Variants in ITPR2 observed in about 807,000 individuals in gnomAD.
ITPR2 encodes the protein inositol 1,4,5-trisphosphate-gated calcium channel ITPR2.
ITPR2 carries 207 observed loss-of-function variants against 317.1 expected under a neutral mutation model. That is an observed-to-expected ratio of 0.65 (90% CI 0.58 to 0.73). The LOEUF is 0.73. Among genes scored for constraint, ITPR2 ranks in the 30% least tolerant of loss-of-function variants. The probability of loss-of-function intolerance (pLI) is 0.00; values close to 1 mark genes in which losing one functional copy is unlikely to be tolerated. For missense variants in ITPR2, 2,613 were observed against 3,284.0 expected, an observed-to-expected ratio of 0.80 and a Z score of 4.99; for synonymous variants, 1,156 against 1,149.1, an observed-to-expected ratio of 1.01 and a Z score of -0.12.
chr12:26,647,609 C>A (rs1445404769), intron 21 of ITPR2, among the ~76,000 whole-genome samples: 5 of 152,188 alleles, frequency 3.3e-5, no homozygotes, highest in Non-Finnish European at 7.3e-5. Flanking sequence ...ACATGGCTTG[C>A]CATAATCCTT....
intron 2 of ITPR2, among the ~76,000 whole-genome samples, chr12:26,771,112 T>A (rs1024648105): frequency 1.3e-5 from 2 of 152,218 alleles, no homozygotes; most frequent in African/African-American, 4.8e-5. Flanking sequence ...ATCCTTAATT[T>A]AATTTGCATA....
intron 15 of ITPR2, among the ~76,000 whole-genome samples, chr12:26,662,688 T>G (rs536101490): frequency 6.6e-6 from 1 of 152,346 alleles, no homozygotes; most frequent in South Asian, 2.1e-4. Context: ...TTTTGTTTTT[T>G]ATGAGGCAGG....
chr12:26,568,508 C>A (rs1433019787), intron 34 of ITPR2, among the ~76,000 whole-genome samples: 1 of 151,890 alleles, frequency 6.6e-6, no homozygotes, highest in African/African-American at 2.4e-5. Flanking sequence ...AAGATGTAAT[C>A]AAAATCTATT....
intron 55 of ITPR2, among the ~76,000 whole-genome samples, chr12:26,353,936 G>A (rs985072666): frequency 6.6e-6 from 1 of 152,054 alleles, no homozygotes; most frequent in Non-Finnish European, 1.5e-5. Context: ...AAATTGTTTA[G>A]CACCATAACC....
At chr12:26,709,048 T>C (rs1224183179) in intron 9 of ITPR2, among the ~76,000 whole-genome samples, 1 of 152,186 alleles carries the variant, frequency 6.6e-6, no homozygotes, top group East Asian at 1.9e-4. Flanking sequence ...TGGCCACACC[T>C]CTAGACACTT....
chr12:26,493,081 T>A (rs1591827948), intron 39 of ITPR2, among the ~76,000 whole-genome samples: 1 of 152,154 alleles, frequency 6.6e-6, no homozygotes, highest in Non-Finnish European at 1.5e-5. Flanking sequence ...ATTTCCTCCA[T>A]CACCTCCTTC....
intron 55 of ITPR2, among the ~76,000 whole-genome samples, chr12:26,387,222 G>A (rs996230218): frequency 6.6e-6 from 1 of 152,122 alleles, no homozygotes; most frequent in African/African-American, 2.4e-5. Flanking sequence ...TCTGTGCACT[G>A]GAGACTCAAA....
At position 26,815,816 on chromosome 12, in the gene ITPR2, C is replaced by T. The variant is rs902098283; in HGVS notation, c.92+16874G>A. Among the ~76,000 whole-genome samples, 20 of 152,130 alleles carry T rather than the reference C, an allele frequency of 1.3e-4. No individual in the cohort carries two copies. The South Asian group carries it at 3.5e-3, about 27-fold the overall frequency. On this transcript the variant is annotated intron_variant, in intron 1 of 56. Transcript: ENST00000381340. ...AGCTTAAAAACAGGTGTACTGTGGC[C>T]GGCGCGGTGGCTTACATCTGTAAAC... is the stretch of plus-strand genomic sequence containing the variant.
chr12:26,669,827 A>C (rs1188841183), intron 13 of ITPR2, among the ~76,000 whole-genome samples: 1 of 152,204 alleles, frequency 6.6e-6, no homozygotes, highest in Non-Finnish European at 1.5e-5. Context: ...CACCTGGAAA[A>C]TCGGGTCACT....
intron 13 of ITPR2, among the ~76,000 whole-genome samples, chr12:26,673,186 T>A (rs1286888544): frequency 1.3e-5 from 2 of 152,120 alleles, no homozygotes; most frequent in African/African-American, 4.8e-5. Context: ...CCTCCCTAAC[T>A]CATTTTATGA....
chr12:26,568,755 A>G (rs1055550783), intron 34 of ITPR2, among the ~76,000 whole-genome samples: 2 of 152,198 alleles, frequency 1.3e-5, no homozygotes, highest in Admixed American at 6.5e-5. Context: ...GCCCAGGTGG[A>G]GCACAGGAAA....
At chr12:26,548,394 G>A (rs1322088668) in intron 37 of ITPR2, among the ~76,000 whole-genome samples, 3 of 152,072 alleles carry the variant, frequency 2.0e-5, no homozygotes, top group African/African-American at 4.8e-5. Context: ...GGAGGGCCTG[G>A]AACACTGACG....
At chr12:26,668,946 C>T (rs980533851) in intron 13 of ITPR2, among the ~76,000 whole-genome samples, 1 of 151,926 alleles carries the variant, frequency 6.6e-6, no homozygotes, top group African/African-American at 2.4e-5. Context: ...TAGTGAAACC[C>T]GTTTGCACAA....
At chr12:26,377,113 T>C (rs778997895) in intron 55 of ITPR2, among the ~76,000 whole-genome samples, 8 of 152,062 alleles carry the variant, frequency 5.3e-5, no homozygotes, top group Non-Finnish European at 1.0e-4. Context: ...CCCTCCCAAA[T>C]GTCCTCACTG....
At chr12:26,786,193 C>G (rs1950240440) in intron 2 of ITPR2, among the ~76,000 whole-genome samples, 1 of 36,298 alleles carries the variant, frequency 2.8e-5, no homozygotes, top group Admixed American at 2.9e-4. Context: ...TGTGTCCACT[C>G]AGGGTTAAAT....
intron 52 of ITPR2, among the ~76,000 whole-genome samples, chr12:26,402,955 T>C (rs572350140): frequency 6.6e-5 from 10 of 152,100 alleles, no homozygotes; most frequent in Admixed American, 2.0e-4. Context: ...GTCCCATCTG[T>C]AGAAAATTTA....
chr12:26,377,318 T>G (rs1174505846), intron 55 of ITPR2, among the ~76,000 whole-genome samples: 1 of 152,160 alleles, frequency 6.6e-6, no homozygotes, highest in Non-Finnish European at 1.5e-5. Context: ...CCAAGGGAAG[T>G]TAGAGAATCT....
chr12:26,651,264 C>T (rs1947246570), intron 21 of ITPR2, among the ~76,000 whole-genome samples: 1 of 152,092 alleles, frequency 6.6e-6, no homozygotes, highest in Non-Finnish European at 1.5e-5. Context: ...CAGCCTCTTT[C>T]CCTCTCACCC....
intron 26 of ITPR2, among the ~76,000 whole-genome samples, chr12:26,608,040 G>T (rs1047366869): frequency 2.0e-5 from 3 of 152,302 alleles, no homozygotes; most frequent in Admixed American, 1.3e-4. Context: ...AGAATGGCGT[G>T]AATCCGGGAG....
Sources: gnomAD v4.1 joint callset for allele counts (sites outside exome capture counted in the v4.1 genomes callset) on GRCh38, gnomAD v4.1.1 for gene constraint, MANE v1.5 for transcripts, NCBI Gene and HGNC (gene_info 2026-07-23, HGNC 2026-07-21) for gene names.